The following RAD21L1 variants were observed in gnomAD, a reference collection of about 807,000 sequenced individuals.
The protein encoded by RAD21L1 is double-strand-break repair protein rad21-like protein 1.
Under a neutral mutation model 69.0 loss-of-function variants are expected in RAD21L1, and 47 were observed. That is an observed-to-expected ratio of 0.68 (90% CI 0.54 to 0.87). RAD21L1 has a LOEUF of 0.87. RAD21L1 is among the 40% of genes least tolerant of loss of function. RAD21L1 has a pLI of 0.00. For synonymous variants in RAD21L1, 177 were observed against 205.8 expected (o/e 0.86, Z 1.20); for missense variants, 583 against 647.6 (o/e 0.90, Z 1.08).
chr20:1,239,488 A>G (rs1326300731), intron 7 of RAD21L1, 81 bp downstream of exon 7: 1 of 717,488 alleles, frequency 1.4e-6, no homozygotes, highest in African/African-American at 1.8e-5. Flanking sequence ...AAGTAGCAAT[A>G]TAGTATAGTG....
chr20:1,252,803 G>C (rs548263190), intron 13 of RAD21L1, among the ~76,000 whole-genome samples: 2 of 152,050 alleles, frequency 1.3e-5, no homozygotes, highest in African/African-American at 4.8e-5. Flanking sequence ...CTTTTTGCTG[G>C]CTTCCCCCCT....
chr20:1,235,519 C>A (rs895559765), intron 5 of RAD21L1, among the ~76,000 whole-genome samples: 1 of 152,074 alleles, frequency 6.6e-6, no homozygotes, highest in Non-Finnish European at 1.5e-5. Flanking sequence ...TTATTAGAGT[C>A]AACATATATA....
rs2087902109 is a variant in RAD21L1, at chr20:1,254,676, T to A, written c.*219T>A. ...ATTCTGTTTTGTTTTTTTTTGTTGT[T>A]TTTTTAAGGACAAAGGTCTCACTAT... On this transcript the variant is annotated 3_prime_UTR_variant, in exon 14 of 14. Transcript: ENST00000683101. Among the ~76,000 whole-genome samples the A allele has an allele frequency of 6.6e-6, 1 of 152,172 alleles. No individual in the cohort carries two copies. The highest frequency in any genetic ancestry group is 1.5e-5 in the Non-Finnish European group (1 of 68,034).
chr20:1,254,315 G>A lies in RAD21L1; in HGVS notation c.1526G>A (p.Cys509Tyr). The change falls in exon 14 of 14, where the codon TGT (cysteine) becomes TAT (tyrosine). Residue 509 changes from cysteine (C) to tyrosine (Y), a missense_variant. Transcript: ENST00000683101. ...GMQSFSLMKL[C>Y]RNSDRKQAAA... ...CAGTCCTTTAGTCTGATGAAGCTCT[G>A]TAGAAATAGTGACCGAAAACAAGCA... The A allele has an allele frequency of 6.4e-7, 1 of 1,551,146 alleles. No individual in the cohort carries two copies. The highest frequency in any genetic ancestry group is 8.7e-7 in the Non-Finnish European group (1 of 1,146,778).
rs976379931 is a variant in RAD21L1 at position 1,244,191 on chromosome 20, C to T, written c.1308+21C>T. The stretch of plus-strand genomic sequence containing the variant: ...CTGAGGTAAGTTATCCAGAGAGAAT[C>T]GTAAAAATATTTTATTTTCTACAGA... On this transcript the variant is annotated intron_variant, in intron 11 of 13. Coordinates refer to ENST00000683101, the MANE Select transcript of RAD21L1 (RefSeq NM_001384355.1). 11 of 1,480,410 alleles carry T rather than the reference C, an allele frequency of 7.4e-6. No homozygotes were observed. The East Asian group carries it at 1.2e-4, about 17-fold the overall frequency. 91.7% of individuals were successfully genotyped at this position (1,480,410 alleles called of 1,614,324 possible). A position where few individuals can be genotyped will look rare whatever the true frequency, so the allele number is the denominator to read the frequency against.
intron 13 of RAD21L1, among the ~76,000 whole-genome samples, chr20:1,253,337 C>T (rs2087873308): frequency 6.6e-6 from 1 of 152,112 alleles, no homozygotes; most frequent in African/African-American, 2.4e-5. Flanking sequence ...ATCACTGTCA[C>T]CCAGGCCAGA....
intron 13 of RAD21L1, among the ~76,000 whole-genome samples, chr20:1,253,711 C>G (rs1210119808): frequency 1.3e-5 from 2 of 152,148 alleles, no homozygotes; most frequent in African/African-American, 4.8e-5. Context: ...TTTATTGTAC[C>G]TCAGTTATTT....
intron 8 of RAD21L1, 124 bp downstream of exon 8, chr20:1,240,558 C>T (rs2087586224): frequency 7.3e-7 from 1 of 1,366,294 alleles, no homozygotes; most frequent in South Asian, 1.7e-5. Context: ...ACTTGTAACA[C>T]AATAGAGGAG....
chr20:1,229,394 T>C (rs2122762964), intron 2 of RAD21L1, among the ~76,000 whole-genome samples: 1 of 152,238 alleles, frequency 6.6e-6, no homozygotes, highest in East Asian at 1.9e-4. Context: ...AAAATAAGTA[T>C]ATAATAAATT....
rs1295291887 is a variant in RAD21L1 at position 1,255,309 on chromosome 20, C to T, written c.*852C>T. Among the ~76,000 whole-genome samples the T allele has an allele frequency of 6.6e-6, 1 of 152,100 alleles. No individual in the cohort carries two copies. The highest frequency in any genetic ancestry group is 1.9e-4 in the East Asian group (1 of 5,192). On this transcript the variant is annotated 3_prime_UTR_variant, in exon 14 of 14. Coordinates refer to ENST00000683101, the MANE Select transcript of RAD21L1 (RefSeq NM_001384355.1). ...GCAGCTACGGTCTGAGTAAAGATCA[C>T]CAAAATAAATGTTCTTTTGTTTGGT...
At chr20:1,241,715 A>G (rs1600225029) in intron 8 of RAD21L1, among the ~76,000 whole-genome samples, 2 of 152,166 alleles carry the variant, frequency 1.3e-5, no homozygotes, top group South Asian at 4.1e-4. Context: ...ATCATCACAT[A>G]GCCAACCTCT....
intron 4 of RAD21L1, among the ~76,000 whole-genome samples, 200 bp downstream of exon 4, chr20:1,231,819 T>C (rs1488555081): frequency 1.3e-5 from 2 of 152,200 alleles, no homozygotes; most frequent in Non-Finnish European, 1.5e-5. Flanking sequence ...GTTTGCAATA[T>C]TGACAGTATA....
chr20:1,234,163 T>A lies in RAD21L1; in HGVS notation c.447T>A (p.Asn149Lys). The A allele has an allele frequency of 1.3e-6, 2 of 1,534,060 alleles. No individual in the cohort carries two copies. Among genetic ancestry groups the A allele is most frequent in the Non-Finnish European group, 1.8e-6 (2 of 1,131,756 alleles). ...TCACTCTTAGAGAAAATTTTGACAA[T>A]GATCTAATTTTCCAAGCTGAGAGCT... is the stretch of plus-strand genomic sequence containing the variant. ...EEITLRENFD[N>K]DLIFQAESFG... The change falls in exon 5 of 14, where the codon AAT becomes AAA. Residue 149 changes from asparagine to lysine, a missense_variant. Physicochemically the swap from Asn to Lys is moderately conservative, Grantham distance 94. Transcript: ENST00000683101.
chr20:1,227,107 AC>A (rs1382633701), intron 1 of RAD21L1, among the ~76,000 whole-genome samples: 4 of 152,054 alleles, frequency 2.6e-5, no homozygotes, highest in African/African-American at 7.2e-5. Context: ...ACGGGGTTTC[AC>A]CATGTTGGCC....
rs2087449764 is a variant in RAD21L1, at chr20:1,234,156, T to G, written c.440T>G (p.Phe147Cys). 6.5e-7 allele frequency: 1 copy of G among 1,542,448 alleles called. No individual in the cohort carries two copies. The highest frequency in any genetic ancestry group is 8.8e-7 in the Non-Finnish European group (1 of 1,139,252). Residue 147 changes from phenylalanine to cysteine, a missense_variant, in exon 5 of 14, where the codon TTT (phenylalanine) becomes TGT (cysteine). Coordinates refer to ENST00000683101, the MANE Select transcript of RAD21L1 (RefSeq NM_001384355.1). The stretch of plus-strand genomic sequence containing the variant: ...GAAGAAATCACTCTTAGAGAAAATT[T>G]TGACAATGATCTAATTTTCCAAGCT... Reference protein sequence around the residue: ...RPEEITLRENFDNDLIFQAES... With the variant: ...RPEEITLRENCDNDLIFQAES...
intron 5 of RAD21L1, among the ~76,000 whole-genome samples, chr20:1,235,648 C>T (rs2087478938): frequency 6.6e-6 from 1 of 152,176 alleles, no homozygotes; most frequent in Non-Finnish European, 1.5e-5. Context: ...TGATCTCTTA[C>T]TGGCTATAAC....
chr20:1,233,601 C>T (rs771966732), intron 4 of RAD21L1, among the ~76,000 whole-genome samples: 1 of 152,156 alleles, frequency 6.6e-6, no homozygotes, highest in South Asian at 2.1e-4. Context: ...GCAGATTCAT[C>T]GTCTGGTGAT....
At chr20:1,243,931 T>C in intron 10 of RAD21L1, 115 bp from the exon 11 acceptor site, 2 of 893,748 alleles carry the variant, frequency 2.2e-6, no homozygotes, top group Non-Finnish European at 3.4e-6. Context: ...TATCCTTTGC[T>C]TAAATTCTTG....
rs995640413 is a variant in RAD21L1 at position 1,255,614 on chromosome 20, T to A, written c.*1157T>A. Among the ~76,000 whole-genome samples the A allele has an allele frequency of 3.9e-5, 6 of 152,256 alleles. No individual in the cohort carries two copies. The highest frequency in any genetic ancestry group is 1.4e-4 in the African/African-American group (6 of 41,474). ...TTAACATACAGAAAATTTGACTTCTTAATTTTGGTGCACAGTTCTGTGAAT... is the reference window on the plus strand; with the variant it reads ...TTAACATACAGAAAATTTGACTTCTAAATTTTGGTGCACAGTTCTGTGAAT... On this transcript the variant is annotated 3_prime_UTR_variant, in exon 14 of 14. Transcript: ENST00000683101.
Sources: allele counts gnomAD v4.1 joint callset (sites outside exome capture counted in the v4.1 genomes callset), GRCh38; gene constraint gnomAD v4.1.1; transcripts MANE v1.5; gene names NCBI Gene and HGNC (gene_info 2026-07-23, HGNC 2026-07-21).